The following CREB3L3 variants were observed in gnomAD, a reference collection of about 807,000 sequenced individuals.
The protein encoded by CREB3L3 is cyclic AMP-responsive element-binding protein 3-like protein 3.
Under a neutral mutation model 44.6 loss-of-function variants are expected in CREB3L3, and 40 were observed. The ratio of observed to expected loss-of-function variants is 0.90; its 90% CI spans 0.70 to 1.17. The LOEUF is 1.17. Among genes scored for constraint, CREB3L3 ranks in the 50% most tolerant of loss-of-function variants. The pLI, the probability that CREB3L3 is intolerant of heterozygous loss-of-function variation, is 0.00. For synonymous variants in CREB3L3, 273 were observed against 256.3 expected (o/e 1.06, Z -0.62); for missense variants, 578 against 595.8 (o/e 0.97, Z 0.31).
chr19:4,160,988 T>C (rs113209553), intron 4 of CREB3L3, among the ~76,000 whole-genome samples: 40 of 126,540 alleles, frequency 3.2e-4, no homozygotes, highest in Middle Eastern at 5.1e-3. Flanking sequence ...CTCGGCTCAC[T>C]GCAAGCTCCG....
chr19:4,155,364 CTTT>C (rs35228769), intron 2 of CREB3L3, among the ~76,000 whole-genome samples: 1 of 142,458 alleles, frequency 7.0e-6, no homozygotes, highest in Admixed American at 7.1e-5. Context: ...CTTTCTTCTT[CTTT>C]TTTTTTTTTT....
intron 5 of CREB3L3, among the ~76,000 whole-genome samples, chr19:4,166,277 G>T (rs1033002036): frequency 9.3e-5 from 14 of 150,468 alleles, no homozygotes; most frequent in Admixed American, 2.0e-4. Flanking sequence ...TTCCTGAGAC[G>T]GAGTTTCGCT....
Position 4,172,130 on chromosome 19 carries a change from C to T in CREB3L3, c.*161C>T, listed in dbSNP as rs1364777123. 1 of 763,632 alleles carries T rather than the reference C, an allele frequency of 1.3e-6. No homozygotes were observed. Among genetic ancestry groups the T allele is most frequent in the Admixed American group, 2.9e-5 (1 of 34,138 alleles). 47.3% of individuals were successfully genotyped at this position (763,632 alleles called of 1,614,324 possible). A position where few individuals can be genotyped will look rare whatever the true frequency, so the allele number is the denominator to read the frequency against. ...TCATAGCCACACACCCAGGGCCTGA[C>T]TGAGGCCCACGCAGGAACCGACACT... On this transcript the variant is annotated 3_prime_UTR_variant, in exon 10 of 10. Coordinates refer to ENST00000078445, the MANE Select transcript of CREB3L3 (RefSeq NM_032607.3).
chr19:4,163,614 G>C (rs2145130876), intron 4 of CREB3L3, among the ~76,000 whole-genome samples: 1 of 152,200 alleles, frequency 6.6e-6, no homozygotes, highest in South Asian at 2.1e-4. Context: ...CCGGGTTCAA[G>C]CGGTTCTTCT....
chr19:4,155,039 A>G lies in CREB3L3; in HGVS notation c.156+12A>G. The G allele has an allele frequency of 1.2e-6, 2 of 1,603,758 alleles. No individual in the cohort carries two copies. The highest frequency in any genetic ancestry group is 1.7e-6 in the Non-Finnish European group (2 of 1,179,860). ...ACGTCAAGGACCAGGTGAGGAGTCC[A>G]CTGCAGTTGCCCCGGGACCACAGAG... On this transcript the variant is annotated intron_variant, in intron 2 of 9. Transcript: ENST00000078445.
intron 5 of CREB3L3, 83 bp downstream of exon 5, chr19:4,164,723 AT>A: frequency 6.7e-7 from 1 of 1,489,832 alleles, no homozygotes; most frequent in Non-Finnish European, 9.2e-7. Flanking sequence ...TTATTTATTT[AT>A]TTAGAGTAGA....
In CREB3L3 at chr19:4,171,704, A is replaced by T. The variant is rs1967051674; in HGVS notation, c.1121A>T (p.Asp374Val). ...GATGCTGCCTCCCGCGTGGCTGCTG[A>T]TGCTGTGCCAGGCTCCGAGGCCCCA... is the stretch of plus-strand genomic sequence containing the variant. ...HNDAASRVAA[D>V]AVPGSEAPGP... is the part of the protein sequence containing the mutation. Residue 374 changes from aspartate to valine, a missense_variant, in exon 10 of 10, where the codon GAT (aspartate) becomes GTT (valine). By Grantham distance (152) the Asp-to-Val change is radical (BLOSUM62 -3). Coordinates refer to ENST00000078445, the MANE Select transcript of CREB3L3 (RefSeq NM_032607.3). This position sits in a 1 kb window ranked among gnomAD's most constrained non-coding sequence, Gnocchi z 4.9. The T allele has an allele frequency of 6.2e-7, 1 of 1,613,140 alleles. No individual in the cohort carries two copies. The highest frequency in any genetic ancestry group is 1.3e-5 in the African/African-American group (1 of 74,882).
intron 4 of CREB3L3, among the ~76,000 whole-genome samples, chr19:4,162,711 G>T (rs988785453): frequency 2.0e-5 from 3 of 151,778 alleles, no homozygotes; most frequent in African/African-American, 4.8e-5. Context: ...GGGTGTGGTG[G>T]CTCATGCCTG....
intron 4 of CREB3L3, among the ~76,000 whole-genome samples, chr19:4,160,474 C>T (rs981527557): frequency 3.3e-5 from 5 of 150,498 alleles, no homozygotes; most frequent in African/African-American, 9.8e-5. Flanking sequence ...TGGCCTCAAG[C>T]GATCCTCCTG....
intron 7 of CREB3L3, 141 bp from the exon 8 acceptor site, chr19:4,170,950 T>A (rs1599347150): frequency 7.3e-6 from 3 of 409,804 alleles, no homozygotes; most frequent in East Asian, 8.4e-5. Context: ...AATAAATAAA[T>A]AAAATAAATA....
Position 4,172,660 on chromosome 19 carries a change from C to G in CREB3L3, c.*691C>G, listed in dbSNP as rs1467594163. Reference sequence around the variant, plus strand: ...ACCCAGACACAGCCTGAAACAGACCCGGACAGACAGACAGACACAGCCTGA... The same window carrying G: ...ACCCAGACACAGCCTGAAACAGACCGGGACAGACAGACAGACACAGCCTGA... On this transcript the variant is annotated 3_prime_UTR_variant, in exon 10 of 10. Coordinates refer to ENST00000078445, the MANE Select transcript of CREB3L3 (RefSeq NM_032607.3). 1 of 227,358 alleles carries G rather than the reference C, an allele frequency of 4.4e-6. No homozygotes were observed. Among genetic ancestry groups the G allele is most frequent in the Non-Finnish European group, 8.7e-6 (1 of 115,378 alleles). The allele number at this position is 227,358 out of a possible 1,614,324, so 14.1% of individuals were successfully genotyped here. A position where few individuals can be genotyped will look rare whatever the true frequency, so the allele number is the denominator to read the frequency against.
At chr19:4,163,050 G>C (rs1351726119) in intron 4 of CREB3L3, among the ~76,000 whole-genome samples, 1 of 152,166 alleles carries the variant, frequency 6.6e-6, no homozygotes, top group Admixed American at 6.6e-5. Flanking sequence ...GCTCACGCCT[G>C]TGATCCCAGC....
chr19:4,166,587 G>T (rs1455040690), intron 5 of CREB3L3, among the ~76,000 whole-genome samples: 1 of 150,588 alleles, frequency 6.6e-6, no homozygotes, highest in Non-Finnish European at 1.5e-5. Context: ...TTAGAGACAG[G>T]GTCTTGCTAT....
At chr19:4,158,885 A>G (rs2041623676) in intron 3 of CREB3L3, among the ~76,000 whole-genome samples, 1 of 151,946 alleles carries the variant, frequency 6.6e-6, no homozygotes, top group African/African-American at 2.4e-5. Flanking sequence ...CCAGGATTAG[A>G]ACCAAGGGTT....
chr19:4,160,393 A>G (rs2041643146), intron 4 of CREB3L3, among the ~76,000 whole-genome samples: 1 of 151,820 alleles, frequency 6.6e-6, no homozygotes, highest in South Asian at 2.1e-4. Flanking sequence ...TTTTTTTGAG[A>G]CAGGATCTCA....
chr19:4,164,730 G>A, intron 5 of CREB3L3, 90 bp downstream of exon 5: 1 of 1,442,140 alleles, frequency 6.9e-7, no homozygotes, highest in Non-Finnish European at 9.5e-7. Context: ...TTTATTTAGA[G>A]TAGAGTCTTT....
chr19:4,154,934 C>G lies in CREB3L3; in HGVS notation c.63C>G (p.Asp21Glu), dbSNP rs775357627. 6 of 1,613,766 alleles carry G rather than the reference C, an allele frequency of 3.7e-6. No homozygotes were observed. Among genetic ancestry groups the G allele is most frequent in the Non-Finnish European group, 5.1e-6 (6 of 1,180,046 alleles). Residue 21 changes from aspartate to glutamate, a missense_variant, in exon 2 of 10, where the codon GAC becomes GAG. Asp to Glu is a conservative substitution (Grantham distance 45). Coordinates refer to ENST00000078445, the MANE Select transcript of CREB3L3 (RefSeq NM_032607.3). ...ASAACSMDPI[D>E]SFELLDLLFD... ...CTGCCTGCTCCATGGACCCCATCGA[C>G]AGCTTTGAGCTCCTGGATCTCCTGT... is the stretch of plus-strand genomic sequence containing the variant.
At chr19:4,167,354 G>A (rs1599342602) in intron 5 of CREB3L3, among the ~76,000 whole-genome samples, 2 of 130,688 alleles carry the variant, frequency 1.5e-5, no homozygotes, top group Non-Finnish European at 3.2e-5. Flanking sequence ...AAGAAAGAAA[G>A]AGAGAGAGAG....
chr19:4,166,204 T>A (rs1966901546), intron 5 of CREB3L3, among the ~76,000 whole-genome samples: 1 of 151,344 alleles, frequency 6.6e-6, no homozygotes, highest in African/African-American at 2.4e-5. Context: ...TTCTCCCACA[T>A]CAGCCTCCCT....
Sources: gnomAD v4.1 joint callset for allele counts (sites outside exome capture counted in the v4.1 genomes callset) on GRCh38, gnomAD v4.1.1 for gene constraint, Gnocchi (gnomAD v3.1) non-coding constraint, MANE v1.5 for transcripts, NCBI Gene and HGNC (gene_info 2026-07-23, HGNC 2026-07-21) for gene names.